CLUL1: variants seen among roughly 807,000 people sequenced by gnomAD.
The protein encoded by CLUL1 is clusterin like 1, also known as clusterin-like protein 1.
CLUL1 carries 43 observed loss-of-function variants against 49.4 expected under a neutral mutation model. That is an observed-to-expected ratio of 0.87 (90% CI 0.68 to 1.12). CLUL1 has a LOEUF of 1.12. Among genes scored for constraint, CLUL1 ranks in the 50% most tolerant of loss-of-function variants. The probability of loss-of-function intolerance (pLI) is 0.00; values close to 1 mark genes in which losing one functional copy is unlikely to be tolerated. For missense variants in CLUL1, 486 were observed against 544.4 expected (o/e 0.89, Z 1.07); for synonymous variants, 192 against 184.9 (o/e 1.04, Z -0.31).
At chr18:631,644 TA>T (rs1444441402) in intron 6 of CLUL1, among the ~76,000 whole-genome samples, 2 of 152,058 alleles carry the variant, frequency 1.3e-5, no homozygotes, top group East Asian at 3.9e-4. Context: ...ATCTAGATGC[TA>T]GAGATAAAAT....
intron 8 of CLUL1, 46 bp downstream of exon 8, chr18:641,587 C>G (rs1424300486): frequency 6.9e-7 from 1 of 1,446,286 alleles, no homozygotes; most frequent in South Asian, 1.2e-5. Context: ...CACGTGCATA[C>G]CTTGATTTCA....
At chr18:648,959 C>A (rs2074596530) in intron 9 of CLUL1, among the ~76,000 whole-genome samples, 1 of 152,098 alleles carries the variant, frequency 6.6e-6, no homozygotes, top group African/African-American at 2.4e-5. Context: ...CCTGGCCTGG[C>A]ATTTCAATTT....
chr18:624,826 T>G (rs1598424817), intron 4 of CLUL1, 39 bp from the exon 5 acceptor site: 1 of 1,601,876 alleles, frequency 6.2e-7, no homozygotes, highest in South Asian at 1.1e-5. Context: ...ACATAGATTA[T>G]GAAATGGAAA....
intron 2 of CLUL1, among the ~76,000 whole-genome samples, chr18:609,046 T>G (rs2073058992): frequency 6.6e-6 from 1 of 152,236 alleles, no homozygotes; most frequent in Non-Finnish European, 1.5e-5. Context: ...TTTGGGATTT[T>G]GAAATATTTG....
At chr18:614,352 G>GA (rs1290997072) in intron 2 of CLUL1, among the ~76,000 whole-genome samples, 3 of 134,228 alleles carry the variant, frequency 2.2e-5, no homozygotes, top group African/African-American at 8.0e-5. Context: ...AGGAAGGAAA[G>GA]AAGGAAGGAA....
intron 5 of CLUL1, among the ~76,000 whole-genome samples, chr18:626,042 GT>G (rs1361483334): frequency 6.6e-6 from 1 of 152,184 alleles, no homozygotes; most frequent in Non-Finnish European, 1.5e-5. Flanking sequence ...TTAAAGGTTT[GT>G]TTTTGTGGAT....
intron 9 of CLUL1, among the ~76,000 whole-genome samples, chr18:649,354 A>G (rs2074607810): frequency 6.6e-6 from 1 of 152,154 alleles, no homozygotes; most frequent in Non-Finnish European, 1.5e-5. Context: ...ACTTTCTTCT[A>G]GTTATCTAGC....
intron 7 of CLUL1, among the ~76,000 whole-genome samples, chr18:636,404 A>G (rs2074136109): frequency 7.7e-6 from 1 of 129,946 alleles, no homozygotes; most frequent in African/African-American, 3.1e-5. Flanking sequence ...TAAATTACAT[A>G]TTAATATTCT....
At position 618,867 on chromosome 18, in the gene CLUL1, A is replaced by G. The variant is rs1480803437; in HGVS notation, c.107-346A>G. 6.6e-6 allele frequency among the ~76,000 whole-genome samples: 1 copy of G among 152,200 alleles called. No individual in the cohort carries two copies. The highest frequency in any genetic ancestry group is 6.5e-5 in the Admixed American group (1 of 15,278). ...TGAGGTCCCCAGCTGGGCACTTAAT[A>G]TAAATTATGAAGAAAATGCAAAATT... On this transcript the variant is annotated intron_variant, in intron 3 of 9. Transcript: ENST00000692774. The surrounding 1 kb of genome is among the most constrained non-coding windows in gnomAD (Gnocchi z 4.2).
intron 5 of CLUL1, among the ~76,000 whole-genome samples, chr18:625,940 A>G (rs1413197691): frequency 6.6e-6 from 1 of 152,156 alleles, no homozygotes; most frequent in African/African-American, 2.4e-5. Flanking sequence ...ACACCAGAAT[A>G]TGGTGTAATC....
intron 6 of CLUL1, among the ~76,000 whole-genome samples, chr18:629,706 A>G (rs2073930395): frequency 6.6e-6 from 1 of 152,234 alleles, no homozygotes; most frequent in South Asian, 2.1e-4. Flanking sequence ...GACAAAAACA[A>G]AATAGCAACC....
chr18:606,883 TCAGTGCTCACTACTTTG>T lies in CLUL1; in HGVS notation c.-135-89_-135-73del. The T allele has an allele frequency of 1.9e-6, 1 of 534,556 alleles. No individual in the cohort carries two copies. The highest frequency in any genetic ancestry group is 3.3e-6 in the Non-Finnish European group (1 of 300,916). 33.1% of individuals were successfully genotyped at this position (534,556 alleles called of 1,614,324 possible). On this transcript the variant is annotated intron_variant, in intron 1 of 9. Coordinates refer to ENST00000692774, the MANE Select transcript of CLUL1 (RefSeq NM_001393344.1). This position sits in a 1 kb window ranked among gnomAD's most constrained non-coding sequence, Gnocchi z 4.1. ...CCCACAAGGCAAGGCCAGTTCACCC[TCAGTGCTCACTACTTTG>T]CAGTGTTCATAGAATATTTGTAATA...
intron 2 of CLUL1, among the ~76,000 whole-genome samples, chr18:617,572 G>T (rs113193821): frequency 3.3e-5 from 4 of 119,880 alleles, no homozygotes; most frequent in Non-Finnish European, 5.0e-5. Context: ...TCCAGCCTGG[G>T]CAACAAGAGC....
At chr18:645,348 T>C in intron 9 of CLUL1, 1 of 309,500 alleles carries the variant, frequency 3.2e-6, no homozygotes, top group Non-Finnish European at 5.8e-6. Context: ...TAATTGGTTT[T>C]GCATTTTTGA....
intron 4 of CLUL1, among the ~76,000 whole-genome samples, chr18:623,848 CA>C: frequency 6.6e-6 from 1 of 152,244 alleles, no homozygotes; most frequent in East Asian, 1.9e-4. Context: ...CCTAGCCAGG[CA>C]GAGAAGATGT....
At position 644,999 on chromosome 18, in the gene CLUL1, A is replaced by G. The variant is rs368089345; in HGVS notation, c.1299A>G (p.Thr433=). ...DLSILPSSNF[T]LKIPLEESAE... is the part of the protein sequence containing the mutation. The stretch of plus-strand genomic sequence containing the variant: ...GCATTCTGCCTTCCTCTAATTTCAC[A>G]CTCAAGATCCCTCTTGAAGAAAGTG... The change falls in exon 9 of 10, where the codon ACA becomes ACG. Residue 433 remains threonine, a synonymous_variant. Coordinates refer to ENST00000692774, the MANE Select transcript of CLUL1 (RefSeq NM_001393344.1). 6.2e-7 allele frequency: 1 copy of G among 1,613,300 alleles called. No homozygotes were observed. The highest frequency in any genetic ancestry group is 8.5e-7 in the Non-Finnish European group (1 of 1,179,436).
chr18:629,193 T>A (rs902565450), intron 6 of CLUL1, among the ~76,000 whole-genome samples: 7 of 152,158 alleles, frequency 4.6e-5, no homozygotes, highest in African/African-American at 1.7e-4. Flanking sequence ...TCCAGTGGAC[T>A]TTTTTTATAA....
rs1183073491 is a variant in CLUL1, at chr18:618,020, T to C, written c.20T>C (p.Val7Ala). The C allele has an allele frequency of 3.7e-6, 6 of 1,614,014 alleles. No homozygotes were observed. Among genetic ancestry groups the C allele is most frequent in the Non-Finnish European group, 5.1e-6 (6 of 1,180,016 alleles). The change falls in exon 3 of 10, where the codon GTG becomes GCG. Residue 7 changes from valine (V) to alanine (A), a missense_variant. Coordinates refer to ENST00000692774, the MANE Select transcript of CLUL1 (RefSeq NM_001393344.1). This position sits in a 1 kb window ranked among gnomAD's most constrained non-coding sequence, Gnocchi z 4.2. ...GGGAACATGAAGCCGCCACTCTTGGTGTTTATTGTGTGTCTGCTGTGGTTG... is the reference window on the plus strand; with the variant it reads ...GGGAACATGAAGCCGCCACTCTTGGCGTTTATTGTGTGTCTGCTGTGGTTG... MKPPLLVFIVCLLWLKD... is the reference protein window; with the variant it reads MKPPLLAFIVCLLWLKD...
intron 6 of CLUL1, among the ~76,000 whole-genome samples, chr18:630,824 C>A (rs1313506267): frequency 1.3e-5 from 2 of 151,198 alleles, no homozygotes; most frequent in Non-Finnish European, 3.0e-5. Context: ...GTAGCTGGGA[C>A]TACAGGCACG....
Sources: allele counts gnomAD v4.1 joint callset (sites outside exome capture counted in the v4.1 genomes callset), GRCh38; gene constraint gnomAD v4.1.1; non-coding constraint Gnocchi (gnomAD v3.1); transcripts MANE v1.5; gene names NCBI Gene and HGNC (gene_info 2026-07-23, HGNC 2026-07-21).